Variants in PRRC2B observed in about 807,000 individuals in gnomAD.
PRRC2B encodes protein PRRC2B.
In PRRC2B, 68 loss-of-function variants were observed where a neutral mutation model predicts 242.3. The ratio of observed to expected loss-of-function variants is 0.28; its 90% CI spans 0.23 to 0.34. PRRC2B has a LOEUF of 0.34. PRRC2B is among the 10% of genes least tolerant of loss of function. The pLI, the probability that PRRC2B is intolerant of heterozygous loss-of-function variation, is 1.00. For synonymous variants in PRRC2B, 1,228 were observed against 1,173.6 expected, an observed-to-expected ratio of 1.05 and a Z score of -0.95; for missense variants, 2,835 against 2,954.8, an observed-to-expected ratio of 0.96 and a Z score of 0.94.
intron 9 of PRRC2B, among the ~76,000 whole-genome samples, chr9:131,448,736 T>C (rs148105964): frequency 6.6e-5 from 10 of 151,812 alleles, no homozygotes; most frequent in East Asian, 1.9e-4. Context: ...GCCATTCTTA[T>C]TCGTTTATCT....
chr9:131,400,165 C>G (rs1837190243), intron 1 of PRRC2B, among the ~76,000 whole-genome samples: 1 of 152,096 alleles, frequency 6.6e-6, no homozygotes, highest in Non-Finnish European at 1.5e-5. Context: ...CTCACCGTAA[C>G]CTCTGCATCC....
At chr9:131,385,625 C>G (rs1836815794) in intron 1 of PRRC2B, among the ~76,000 whole-genome samples, 1 of 150,772 alleles carries the variant, frequency 6.6e-6, no homozygotes, top group African/African-American at 2.4e-5. Flanking sequence ...TAATAACAGT[C>G]TTGCAAGTGT....
intron 13 of PRRC2B, among the ~76,000 whole-genome samples, chr9:131,469,033 G>A (rs940786989): frequency 6.6e-6 from 1 of 152,178 alleles, no homozygotes; most frequent in African/African-American, 2.4e-5. Context: ...TGATGGGTAA[G>A]TCCTTCCTTA....
At position 131,474,684 on chromosome 9, in the gene PRRC2B, G is replaced by A. The variant is rs780651353; in HGVS notation, c.2555G>A (p.Cys852Tyr). 9 of 1,613,064 alleles carry A rather than the reference G, an allele frequency of 5.6e-6. No individual in the cohort carries two copies. The highest frequency in any genetic ancestry group is 3.3e-5 in the Admixed American group (2 of 59,854). ...GGGGGTCACACCCAAAACCTCAGGT[G>A]TTCCCCATTGGAGCCTGACTTTGTC... ...APGGHTQNLR[C>Y]SPLEPDFVPD... Residue 852 changes from cysteine to tyrosine, a missense_variant, in exon 16 of 32, where the codon TGT becomes TAT. By Grantham distance (194) the Cys-to-Tyr change is radical. Transcript: ENST00000683519.
chr9:131,493,263 A>G (rs1044960904), intron 30 of PRRC2B, among the ~76,000 whole-genome samples: 5 of 151,802 alleles, frequency 3.3e-5, no homozygotes, highest in African/African-American at 1.2e-4. Context: ...TTCTGTTCTT[A>G]TTTTCACTCT....
chr9:131,403,200 C>T (rs1837270680), intron 1 of PRRC2B, among the ~76,000 whole-genome samples: 1 of 152,138 alleles, frequency 6.6e-6, no homozygotes, highest in Admixed American at 6.5e-5. Flanking sequence ...CCTGCCCAAC[C>T]GACCTGTCGG....
Position 131,494,453 on chromosome 9 carries a change from C to A in PRRC2B, c.6522C>A (p.Asn2174Lys). Residue 2174 changes from asparagine (N) to lysine (K), a missense_variant, in exon 31 of 32, where the codon AAC becomes AAA. This residue lies in a region of PRRC2B where 574 missense variants were observed against 626.0 expected (regional missense o/e 0.92). Coordinates refer to ENST00000683519, the MANE Select transcript of PRRC2B (RefSeq NM_013318.4). This position sits in a 1 kb window ranked among gnomAD's most constrained non-coding sequence, Gnocchi z 4.3. ...PSGKPSGSAV[N>K]MGSVQGHYVQ... ...GGAAGCCCTCTGGATCAGCAGTTAA[C>A]ATGGGCTCTGTGCAGGGACACTACG... 6.2e-7 allele frequency: 1 copy of A among 1,606,274 alleles called. No individual in the cohort carries two copies. The highest frequency in any genetic ancestry group is 8.5e-7 in the Non-Finnish European group (1 of 1,175,374).
intron 19 of PRRC2B, among the ~76,000 whole-genome samples, chr9:131,480,260 T>A: frequency 6.6e-6 from 1 of 152,238 alleles, no homozygotes; most frequent in South Asian, 2.1e-4. Context: ...TGTTTCCACA[T>A]AGCTTGTCCT....
Position 131,478,276 on chromosome 9 carries a change from G to T in PRRC2B, c.4613-198G>T, listed in dbSNP as rs192085829. ...GAGCTGGGGTTTAAGCTCTTTGCGT[G>T]TTCTCTCAGTTGTGCCCTTGGGCCT... On this transcript the variant is annotated intron_variant, in intron 17 of 31. Transcript: ENST00000683519. Among the ~76,000 whole-genome samples the T allele has an allele frequency of 1.2e-4, 19 of 152,298 alleles. No homozygotes were observed. The East Asian group carries it at 3.5e-3, about 28-fold the overall frequency.
chr9:131,489,946 C>A (rs944554170), intron 28 of PRRC2B, among the ~76,000 whole-genome samples: 1 of 151,934 alleles, frequency 6.6e-6, no homozygotes, highest in African/African-American at 2.4e-5. Flanking sequence ...CCTTTGCTGT[C>A]CCCTCTCCTT....
chr9:131,455,981 C>T (rs993953128), intron 10 of PRRC2B, among the ~76,000 whole-genome samples: 3 of 151,898 alleles, frequency 2.0e-5, no homozygotes, highest in Admixed American at 6.6e-5. Flanking sequence ...GGTGTGGTGG[C>T]GTGTGCTTGT....
rs765035770 is a variant in PRRC2B, at chr9:131,473,482, T to C, written c.2108-26T>C. The C allele has an allele frequency of 4.6e-6, 7 of 1,528,608 alleles. No individual in the cohort carries two copies. In the South Asian group the frequency reaches 5.9e-5, roughly 13 times the overall value. The allele number at this position is 1,528,608 out of a possible 1,614,324, so 94.7% of individuals were successfully genotyped here. A position where few individuals can be genotyped will look rare whatever the true frequency, so the allele number is the denominator to read the frequency against. On this transcript the variant is annotated intron_variant, in intron 14 of 31. Coordinates refer to ENST00000683519, the MANE Select transcript of PRRC2B (RefSeq NM_013318.4). ...GAGCAGGGCTTTCTAAATGAGATGA[T>C]GTAGATCAGTCTTTGCCTTCTTCAG...
At chr9:131,376,246 C>G (rs1034557931) in intron 1 of PRRC2B, among the ~76,000 whole-genome samples, 2 of 145,444 alleles carry the variant, frequency 1.4e-5, no homozygotes, top group Non-Finnish European at 3.0e-5. Flanking sequence ...CCCAGCTAAT[C>G]GGGAGGCTGA....
intron 1 of PRRC2B, among the ~76,000 whole-genome samples, chr9:131,422,047 TTTTTTTTA>T (rs920556789): frequency 2.0e-5 from 3 of 152,008 alleles, no homozygotes; most frequent in Non-Finnish European, 1.5e-5. Flanking sequence ...TCTTTCTTTC[TTTTTTTTA>T]TTTTTTTATT....
In PRRC2B at chr9:131,446,780, A is replaced by G. The variant is rs75290768; in HGVS notation, c.855+138A>G. ...CTTCTGAGGCTTCCACTCGTTTTGC[A>G]TTTTCTCTCCCTGCTTTTTAAATCT... On this transcript the variant is annotated intron_variant, in intron 7 of 31. Coordinates refer to ENST00000683519, the MANE Select transcript of PRRC2B (RefSeq NM_013318.4). The surrounding 1 kb of genome is among the most constrained non-coding windows in gnomAD (Gnocchi z 4.1). 2,307 of 1,025,206 alleles carry G rather than the reference A, an allele frequency of 2.3e-3. 42 individuals are homozygous for G. In the East Asian group the frequency reaches 0.045, roughly 20 times the overall value. The allele number at this position is 1,025,206 out of a possible 1,614,324, so 63.5% of individuals were successfully genotyped here.
At chr9:131,377,521 GTGTGTGATGGCATTTAAATGTGTGCA>G (rs1836703052) in intron 1 of PRRC2B, among the ~76,000 whole-genome samples, 1 of 151,998 alleles carries the variant, frequency 6.6e-6, no homozygotes, top group African/African-American at 2.4e-5. Context: ...GTGTGTGTGT[GTGTGTGATGGCATTTAAATGTGTGCA>G]TGCCTCTCCT....
chr9:131,422,118 G>A (rs1210206473), intron 1 of PRRC2B, among the ~76,000 whole-genome samples: 4 of 152,192 alleles, frequency 2.6e-5, no homozygotes, highest in African/African-American at 9.6e-5. Flanking sequence ...GCAGTGGCAT[G>A]ATCTTGGCTC....
chr9:131,435,939 A>T (rs1043416817), intron 3 of PRRC2B, among the ~76,000 whole-genome samples: 9 of 152,204 alleles, frequency 5.9e-5, no homozygotes, highest in Non-Finnish European at 1.0e-4. Flanking sequence ...TTCTCTCTGG[A>T]TGATGAGATC....
chr9:131,406,973 C>A (rs1837380992), intron 1 of PRRC2B, among the ~76,000 whole-genome samples: 1 of 152,156 alleles, frequency 6.6e-6, no homozygotes, highest in Non-Finnish European at 1.5e-5. Context: ...GAATTCTAAA[C>A]CTGAAGTGAC....
Sources: gnomAD v4.1 joint callset for allele counts (sites outside exome capture counted in the v4.1 genomes callset) on GRCh38, gnomAD v4.1.1 for gene constraint, gnomAD v4.1.1 regional missense constraint, Gnocchi (gnomAD v3.1) non-coding constraint, MANE v1.5 for transcripts, NCBI Gene and HGNC (gene_info 2026-07-23, HGNC 2026-07-21) for gene names.